Variants in DMD observed in about 807,000 individuals in gnomAD.
The protein encoded by DMD is dystrophin, also known as mutant dystrophin.
In DMD, 63 loss-of-function variants were observed where a neutral mutation model predicts 330.1. The observed-to-expected ratio is 0.19, with a 90% CI of 0.16 to 0.24. The LOEUF (loss-of-function observed/expected upper bound fraction) is 0.24. Ranked by LOEUF, DMD falls within the 10% of genes least tolerant of loss-of-function variation. The probability of loss-of-function intolerance (pLI) is 1.00; values close to 1 mark genes in which losing one functional copy is unlikely to be tolerated. For missense variants in DMD, 3,344 were observed against 2,684.1 expected (o/e 1.25, Z -5.43); for synonymous variants, 1,223 against 959.8 (o/e 1.27, Z -5.07).
At chrX:33,036,850 C>T (rs1032690868) in intron 1 of DMD, among the ~76,000 whole-genome samples, 3 of 109,636 alleles carry the variant, frequency 2.7e-5, no homozygotes, top group African/African-American at 6.7e-5. Context: ...CACATACATA[C>T]GTATGTATTT....
chrX:32,805,094 C>G (rs2076856585), intron 7 of DMD, among the ~76,000 whole-genome samples: 1 of 111,605 alleles, frequency 9.0e-6, no homozygotes, highest in Non-Finnish European at 1.9e-5. Context: ...AACAAGAGAA[C>G]AAAACTGGAT....
chrX:31,432,296 A>G (rs2064148307), intron 60 of DMD, among the ~76,000 whole-genome samples: 1 of 111,867 alleles, frequency 8.9e-6, no homozygotes, highest in African/African-American at 3.2e-5. Context: ...TCAAATATCA[A>G]TAGATTATAG....
chrX:32,031,686 G>A (rs1261142959), intron 44 of DMD, among the ~76,000 whole-genome samples: 2 of 111,748 alleles, frequency 1.8e-5, no homozygotes, highest in African/African-American at 3.2e-5. Flanking sequence ...ATCATTCCTG[G>A]CATATTTCTG....
At chrX:33,216,242 C>T (rs1297173225), upstream of DMD, among the ~76,000 whole-genome samples, 1 of 111,527 alleles carries the variant, frequency 9.0e-6, no homozygotes, top group African/African-American at 3.3e-5. Flanking sequence ...GTTCTTTCAC[C>T]TCCTTGGTTA....
intron 46 of DMD, 92 bp from the exon 47 acceptor site, chrX:31,929,837 G>T: frequency 1.8e-6 from 2 of 1,081,546 alleles, no homozygotes; most frequent in Non-Finnish European, 1.3e-6. Context: ...CTATCAAAAT[G>T]AAGCGACTTG....
intron 71 of DMD, among the ~76,000 whole-genome samples, chrX:31,176,060 T>C (rs913860098): frequency 1.8e-5 from 2 of 111,654 alleles, no homozygotes; most frequent in African/African-American, 3.2e-5. Context: ...GATACAAGTC[T>C]TGCAAAATGA....
chrX:31,493,027 T>TA (rs1460011239), intron 57 of DMD, among the ~76,000 whole-genome samples: 7 of 109,902 alleles, frequency 6.4e-5, no homozygotes, highest in East Asian at 2.8e-4. Flanking sequence ...AGTATAATAA[T>TA]AAAAAAAAAC....
intron 2 of DMD, among the ~76,000 whole-genome samples, chrX:32,870,287 GAC>G (rs966722836): frequency 5.4e-5 from 6 of 111,429 alleles, no homozygotes; most frequent in African/African-American, 2.0e-4. Context: ...GAACTAAGAG[GAC>G]ACAAACAAAT....
intron 1 of DMD, among the ~76,000 whole-genome samples, chrX:33,042,606 G>A (rs372022162): frequency 8.9e-6 from 1 of 112,327 alleles, no homozygotes; most frequent in Admixed American, 9.4e-5. Flanking sequence ...GATCACACCC[G>A]TAAGTGCTAC....
intron 1 of DMD, among the ~76,000 whole-genome samples, chrX:33,068,281 G>C (rs147711779): frequency 0.035 from 3,906 of 111,555 alleles, 178 homozygotes; most frequent in African/African-American, 0.12. Flanking sequence ...CTAGTAGATT[G>C]TAAGGCCAAG....
At chrX:32,901,421 G>A (rs1266319689) in intron 2 of DMD, among the ~76,000 whole-genome samples, 3 of 109,082 alleles carry the variant, frequency 2.8e-5, no homozygotes, top group Non-Finnish European at 5.6e-5. Context: ...TTAAACTACA[G>A]TCAGCCAAGC....
At chrX:31,134,380 TTATC>T (rs1424002973) in intron 76 of DMD, among the ~76,000 whole-genome samples, 186 bp from the exon 77 acceptor site, 2 of 109,306 alleles carry the variant, frequency 1.8e-5, no homozygotes, top group Middle Eastern at 4.8e-3. Flanking sequence ...ATACAGTAGT[TTATC>T]TATATCATTA....
chrX:33,045,214 A>G (rs2094360619), intron 1 of DMD, among the ~76,000 whole-genome samples: 2 of 109,863 alleles, frequency 1.8e-5, no homozygotes, highest in African/African-American at 6.6e-5. Flanking sequence ...AGGCAATAGG[A>G]TTAGTTGCCT....
intron 13 of DMD, among the ~76,000 whole-genome samples, chrX:32,576,886 A>G (rs1323476051): frequency 5.4e-5 from 6 of 111,643 alleles, no homozygotes; most frequent in Non-Finnish European, 3.8e-5. Context: ...TCTAGGTTAC[A>G]GTTAATGACA....
At chrX:32,047,255 T>A (rs2096070675) in intron 44 of DMD, among the ~76,000 whole-genome samples, 1 of 111,518 alleles carries the variant, frequency 9.0e-6, no homozygotes, top group South Asian at 3.7e-4. Context: ...CTAGTCTACA[T>A]AGGTGCATAG....
At chrX:32,357,857 A>G (rs1225334945) in intron 37 of DMD, among the ~76,000 whole-genome samples, 1 of 109,879 alleles carries the variant, frequency 9.1e-6, no homozygotes, top group Non-Finnish European at 1.9e-5. Context: ...AACTAAAGGA[A>G]CTCACTCTTC....
chrX:32,292,384 T>TCCGCCTC (rs1312010534), intron 42 of DMD, among the ~76,000 whole-genome samples: 1 of 94,868 alleles, frequency 1.1e-5, no homozygotes, highest in African/African-American at 4.0e-5. Context: ...CACTGCAAGC[T>TCCGCCTC]CCGCCTCCCG....
chrX:32,597,293 G>C (rs747668364), intron 12 of DMD, among the ~76,000 whole-genome samples: 2 of 111,122 alleles, frequency 1.8e-5, no homozygotes, highest in Non-Finnish European at 1.9e-5. Flanking sequence ...TATCAGCTTA[G>C]TCCTTTTGTC....
intron 2 of DMD, among the ~76,000 whole-genome samples, chrX:32,874,953 T>C (rs2083270031): frequency 8.9e-6 from 1 of 111,840 alleles, no homozygotes; most frequent in East Asian, 2.8e-4. Context: ...GCACATCCAC[T>C]AGCTGAATTC....
Sources: allele counts gnomAD v4.1 joint callset (sites outside exome capture counted in the v4.1 genomes callset), GRCh38; gene constraint gnomAD v4.1.1; transcripts MANE v1.5; gene names NCBI Gene and HGNC (gene_info 2026-07-23, HGNC 2026-07-21).